PDZD2: variants seen among roughly 807,000 people sequenced by gnomAD.
The protein encoded by PDZD2 is PDZ domain containing 2.
Under a neutral mutation model 220.7 loss-of-function variants are expected in PDZD2, and 90 were observed. The observed-to-expected ratio is 0.41, with a 90% CI of 0.34 to 0.49. PDZD2 has a LOEUF of 0.49. Ranked by LOEUF, PDZD2 falls within the 20% of genes least tolerant of loss-of-function variation. The pLI is 0.28. For synonymous variants in PDZD2, 1,375 were observed against 1,450.5 expected (o/e 0.95, Z 1.18); for missense variants, 3,174 against 3,608.5 (o/e 0.88, Z 3.08).
At position 31,646,213 on chromosome 5, in the gene PDZD2, A is replaced by G. The variant is rs1357263871; in HGVS notation, c.-361+6776A>G. Among the ~76,000 whole-genome samples, 1 of 152,176 alleles carries G rather than the reference A, an allele frequency of 6.6e-6. No individual in the cohort carries two copies. The highest frequency in any genetic ancestry group is 1.5e-5 in the Non-Finnish European group (1 of 68,022). ...TTTACACGTCCTGGGATGTTACTGT[A>G]ATTCCAGTATTCCAGAAGACTCTGT... On this transcript the variant is annotated intron_variant, in intron 1 of 24. Transcript: ENST00000438447. This position sits in a 1 kb window ranked among gnomAD's most constrained non-coding sequence, Gnocchi z 4.7.
Position 32,090,714 on chromosome 5 carries a change from A to C in PDZD2, c.7266A>C (p.Thr2422=), listed in dbSNP as rs752243326. ...PQMAKSPSIM[T]LTISRQNPPE... The stretch of plus-strand genomic sequence containing the variant: ...TGGCCAAGTCTCCCTCAATCATGAC[A>C]CTGACCATCTCTCGGCAGAACCCAC... Residue 2422 remains threonine, a synonymous_variant, in exon 20 of 25, where the codon ACA becomes ACC. Transcript: ENST00000438447. This position sits in a 1 kb window ranked among gnomAD's most constrained non-coding sequence, Gnocchi z 4.3. 6.2e-7 allele frequency: 1 copy of C among 1,614,142 alleles called. No homozygotes were observed. The highest frequency in any genetic ancestry group is 8.5e-7 in the Non-Finnish European group (1 of 1,180,004).
intron 1 of PDZD2, among the ~76,000 whole-genome samples, chr5:31,653,802 T>A (rs1179375198): frequency 6.6e-6 from 1 of 152,118 alleles, no homozygotes; most frequent in Admixed American, 6.5e-5. Flanking sequence ...TTTGTTTGTT[T>A]GAGACAGAGT....
intron 7 of PDZD2, among the ~76,000 whole-genome samples, chr5:32,040,742 G>A (rs138572800): frequency 0.12 from 17,606 of 148,102 alleles, 1,124 homozygotes; most frequent in Admixed American, 0.16. Context: ...CTGCCCAGCC[G>A]CCCCGTCTGG....
At chr5:31,897,941 T>A (rs1741723034) in intron 2 of PDZD2, among the ~76,000 whole-genome samples, 1 of 152,134 alleles carries the variant, frequency 6.6e-6, no homozygotes, top group Non-Finnish European at 1.5e-5. Flanking sequence ...GGTTTCACCG[T>A]GTTGGCCAGC....
At chr5:31,929,304 G>A (rs772594034) in intron 2 of PDZD2, among the ~76,000 whole-genome samples, 3 of 152,204 alleles carry the variant, frequency 2.0e-5, no homozygotes, top group Non-Finnish European at 4.4e-5. Context: ...AATAATAAAT[G>A]CAGTATAACC....
At chr5:31,819,223 T>G (rs2042960) in intron 2 of PDZD2, among the ~76,000 whole-genome samples, 83,247 of 152,110 alleles carry the variant, frequency 0.55, 23,516 homozygotes, top group Non-Finnish European at 0.63. Flanking sequence ...ATCTTAGCAC[T>G]TGTTTCAAAT....
chr5:31,740,022 A>G (rs970369171), intron 1 of PDZD2, among the ~76,000 whole-genome samples: 1 of 152,074 alleles, frequency 6.6e-6, no homozygotes, highest in African/African-American at 2.4e-5. Context: ...AAATGCCTGG[A>G]ACATCCCAAA....
intron 2 of PDZD2, among the ~76,000 whole-genome samples, chr5:31,846,417 G>A (rs988280161): frequency 5.9e-5 from 9 of 152,192 alleles, no homozygotes; most frequent in Admixed American, 1.3e-4. Context: ...TTAGAGGCGT[G>A]AGCCACCACG....
chr5:32,032,028 A>G (rs1755160018), intron 6 of PDZD2, among the ~76,000 whole-genome samples: 1 of 152,222 alleles, frequency 6.6e-6, no homozygotes, highest in East Asian at 1.9e-4. Flanking sequence ...CACTGATTAA[A>G]ATATGTATAC....
intron 2 of PDZD2, among the ~76,000 whole-genome samples, chr5:31,895,746 G>A (rs755744656): frequency 2.0e-5 from 3 of 152,114 alleles, no homozygotes; most frequent in South Asian, 2.1e-4. Context: ...TCATGAAGGC[G>A]CCTCTACCTT....
rs539795202 is a variant in PDZD2, at chr5:32,096,735, T to C, written c.7846-544T>C. ...TCCTGCCTCTTGCCACTGACGCTTA[T>C]CTTTCTGCTGTTGCTAGGACTGGCT... is the stretch of plus-strand genomic sequence containing the variant. On this transcript the variant is annotated intron_variant, in intron 21 of 24. Transcript: ENST00000438447. 1.3e-3 allele frequency among the ~76,000 whole-genome samples: 201 copies of C among 152,296 alleles called. 1 individual carries two copies. The highest frequency in any genetic ancestry group is 3.4e-3 in the Middle Eastern group (1 of 294).
intron 2 of PDZD2, among the ~76,000 whole-genome samples, chr5:31,947,307 A>G (rs185852960): frequency 2.0e-5 from 3 of 152,226 alleles, no homozygotes; most frequent in Admixed American, 6.5e-5. Flanking sequence ...TGAAATGCCC[A>G]TGTATGCAGG....
chr5:31,808,400 A>G (rs1754866900), intron 2 of PDZD2, among the ~76,000 whole-genome samples: 1 of 152,114 alleles, frequency 6.6e-6, no homozygotes, highest in African/African-American at 2.4e-5. Context: ...GGAACAGCCC[A>G]TTCCCCAAGG....
At chr5:32,086,223 C>T (rs1170348106) in intron 19 of PDZD2, among the ~76,000 whole-genome samples, 1 of 152,338 alleles carries the variant, frequency 6.6e-6, no homozygotes, top group South Asian at 2.1e-4. Flanking sequence ...CTGTTTTACA[C>T]TGAAGTACAT....
chr5:31,703,304 G>T (rs996947144), intron 1 of PDZD2, among the ~76,000 whole-genome samples: 3 of 152,186 alleles, frequency 2.0e-5, no homozygotes, highest in Admixed American at 6.5e-5. Context: ...CCATAAAAAA[G>T]AATGAGTTCA....
intron 2 of PDZD2, among the ~76,000 whole-genome samples, chr5:31,809,289 G>A (rs999713354): frequency 6.6e-6 from 1 of 152,152 alleles, no homozygotes; most frequent in African/African-American, 2.4e-5. Context: ...AGAAAGTGCT[G>A]GGAGCCCCAG....
At chr5:31,692,104 C>T (rs551990156) in intron 1 of PDZD2, among the ~76,000 whole-genome samples, 5 of 152,302 alleles carry the variant, frequency 3.3e-5, no homozygotes, top group African/African-American at 9.6e-5. Context: ...CAGGAGCCCA[C>T]GGAGTGGAGG....
chr5:31,718,717 T>TC (rs1748604440), intron 1 of PDZD2, among the ~76,000 whole-genome samples: 1 of 148,786 alleles, frequency 6.7e-6, no homozygotes, highest in African/African-American at 2.5e-5. Flanking sequence ...TTTTTTTTTT[T>TC]TTGAGATGGA....
chr5:31,797,502 T>G (rs1161600008), intron 1 of PDZD2, among the ~76,000 whole-genome samples: 1 of 151,718 alleles, frequency 6.6e-6, no homozygotes, highest in African/African-American at 2.4e-5. Context: ...ACCGAGCTAA[T>G]TTTTGTATTT....
Sources: allele counts gnomAD v4.1 joint callset (sites outside exome capture counted in the v4.1 genomes callset), GRCh38; gene constraint gnomAD v4.1.1; non-coding constraint Gnocchi (gnomAD v3.1); transcripts MANE v1.5; gene names NCBI Gene and HGNC (gene_info 2026-07-23, HGNC 2026-07-21).